Variants in STRN observed in about 807,000 individuals in gnomAD.
The protein encoded by STRN is striatin.
In STRN, 53 loss-of-function variants were observed where a neutral mutation model predicts 96.3. The ratio of observed to expected loss-of-function variants is 0.55; its 90% CI spans 0.44 to 0.69. The LOEUF (loss-of-function observed/expected upper bound fraction) is 0.69, where lower values mean the gene tolerates loss of function less well. Among genes scored for constraint, STRN ranks in the 30% least tolerant of loss-of-function variants. The pLI, the probability that STRN is intolerant of heterozygous loss-of-function variation, is 0.00. For synonymous variants in STRN, 428 were observed against 355.9 expected, an observed-to-expected ratio of 1.20 and a Z score of -2.28; for missense variants, 987 against 963.9, an observed-to-expected ratio of 1.02 and a Z score of -0.32.
At chr2:36,894,105 A>G in intron 6 of STRN, 72 bp from the exon 7 acceptor site, 1 of 1,524,658 alleles carries the variant, frequency 6.6e-7, no homozygotes, top group Non-Finnish European at 8.8e-7. Flanking sequence ...AAATTCAATT[A>G]TTTTCTTCAG....
At chr2:36,936,058 T>C (rs547919777) in intron 1 of STRN, among the ~76,000 whole-genome samples, 17 of 152,224 alleles carry the variant, frequency 1.1e-4, no homozygotes, top group African/African-American at 3.8e-4. Context: ...CAAAAGCAGA[T>C]AGGAAATATC....
At chr2:36,952,161 G>C (rs1252718437) in intron 1 of STRN, among the ~76,000 whole-genome samples, 1 of 152,098 alleles carries the variant, frequency 6.6e-6, no homozygotes, top group African/African-American at 2.4e-5. Flanking sequence ...TCTTACATTG[G>C]GAAAGGACTA....
intron 1 of STRN, 73 bp from the exon 2 acceptor site, chr2:36,925,281 A>G (rs1172300332): frequency 9.9e-7 from 1 of 1,013,912 alleles, no homozygotes; most frequent in Non-Finnish European, 1.5e-6. Context: ...GTAAAGAACC[A>G]TTGGAAGTTT....
chr2:36,915,611 A>G (rs11124552), intron 3 of STRN, among the ~76,000 whole-genome samples: 16,039 of 152,228 alleles, frequency 0.11, 1,910 homozygotes, highest in African/African-American at 0.29. Context: ...GTGGACAAGA[A>G]AGACCAAAAC....
chr2:36,897,625 G>C (rs1216971792), intron 6 of STRN, among the ~76,000 whole-genome samples: 2 of 151,530 alleles, frequency 1.3e-5, no homozygotes, highest in Admixed American at 6.6e-5. Flanking sequence ...TTTTAGTAGA[G>C]ACAGGGTTTC....
chr2:36,883,996 C>A lies in STRN; in HGVS notation c.1122G>T (p.Val374=). Residue 374 remains valine, a synonymous_variant, in exon 9 of 18, where the codon GTG becomes GTT. Coordinates refer to ENST00000263918, the MANE Select transcript of STRN (RefSeq NM_003162.4). ...AGCTGCTGGGTCTGGAAGGTGAACC[C>A]ACAGATGGCTGCAATGAAGGAAGTT... is the stretch of plus-strand genomic sequence containing the variant. ...VDELPSLQPS[V]GSPSRPSSSR... 1 of 1,443,510 alleles carries A rather than the reference C, an allele frequency of 6.9e-7. No homozygotes were observed. Among genetic ancestry groups the A allele is most frequent in the East Asian group, 2.6e-5 (1 of 37,988 alleles). 89.4% of individuals were successfully genotyped at this position (1,443,510 alleles called of 1,614,324 possible).
intron 14 of STRN, among the ~76,000 whole-genome samples, chr2:36,856,785 T>C (rs1028114421): frequency 5.3e-5 from 8 of 152,138 alleles, no homozygotes; most frequent in South Asian, 2.1e-4. Flanking sequence ...CGGGAGGTGA[T>C]TGGATCATGG....
chr2:36,947,296 C>T (rs2148262387), intron 1 of STRN, among the ~76,000 whole-genome samples: 1 of 152,162 alleles, frequency 6.6e-6, no homozygotes, highest in South Asian at 2.1e-4. Context: ...TGAGTTTCAA[C>T]TATCACAATA....
intron 5 of STRN, among the ~76,000 whole-genome samples, chr2:36,900,471 C>A (rs1224925028): frequency 1.3e-5 from 2 of 152,162 alleles, no homozygotes; most frequent in African/African-American, 2.4e-5. Context: ...AAGTTACTAA[C>A]AGCAATACAC....
chr2:36,956,701 AG>A (rs1470066941), intron 1 of STRN, among the ~76,000 whole-genome samples: 1 of 152,236 alleles, frequency 6.6e-6, no homozygotes, highest in Non-Finnish European at 1.5e-5. Context: ...AAGATTTTGG[AG>A]AAAAACTGTA....
At chr2:36,887,413 T>C (rs985816113) in intron 7 of STRN, among the ~76,000 whole-genome samples, 5 of 151,994 alleles carry the variant, frequency 3.3e-5, no homozygotes, top group African/African-American at 1.2e-4. Flanking sequence ...GAGGTTGCAA[T>C]GAGCCGAGAT....
intron 9 of STRN, among the ~76,000 whole-genome samples, chr2:36,881,032 C>A (rs1171271200): frequency 1.3e-5 from 2 of 151,272 alleles, no homozygotes; most frequent in Non-Finnish European, 2.9e-5. Context: ...TTCCATCTGG[C>A]AACTAAACCT....
intron 6 of STRN, 23 bp from the exon 7 acceptor site, chr2:36,894,056 T>C: frequency 1.2e-6 from 2 of 1,601,578 alleles, no homozygotes; most frequent in Non-Finnish European, 1.7e-6. Context: ...CATGCTAAAT[T>C]AAATAAAGGA....
At chr2:36,863,746 G>A (rs1668552933) in intron 12 of STRN, among the ~76,000 whole-genome samples, 1 of 152,138 alleles carries the variant, frequency 6.6e-6, no homozygotes, top group African/African-American at 2.4e-5. Context: ...AATTGCTTTG[G>A]GCAGTACGGC....
intron 1 of STRN, among the ~76,000 whole-genome samples, chr2:36,929,945 A>AAT (rs1181421864): frequency 6.6e-6 from 1 of 152,232 alleles, no homozygotes; most frequent in Non-Finnish European, 1.5e-5. Flanking sequence ...TAAAAGAGGA[A>AAT]ATATATAAGT....
At chr2:36,872,058 T>G (rs1037780483) in intron 10 of STRN, among the ~76,000 whole-genome samples, 2 of 152,190 alleles carry the variant, frequency 1.3e-5, no homozygotes, top group Admixed American at 1.3e-4. Context: ...GCAATCAAAT[T>G]CCTTCTGAAC....
rs776407960 is a variant in STRN at position 36,877,905 on chromosome 2, A to C, written c.1309T>G (p.Ser437Ala). Residue 437 changes from serine to alanine, a missense_variant, in exon 10 of 18, where the codon TCA becomes GCA. Transcript: ENST00000263918. ...CTACTACTTACATCATAAGTTAGTGAGTCTGCTTCATTGGCCACCGTAAGG... is the reference window on the plus strand; with the variant it reads ...CTACTACTTACATCATAAGTTAGTGCGTCTGCTTCATTGGCCACCGTAAGG... ...AGLTVANEAD[S>A]LTYDIANNKD... 6 of 1,614,010 alleles carry C rather than the reference A, an allele frequency of 3.7e-6. No individual in the cohort carries two copies. In the South Asian group the frequency reaches 6.6e-5, roughly 18 times the overall value.
At chr2:36,941,709 C>T (rs1383982025) in intron 1 of STRN, among the ~76,000 whole-genome samples, 3 of 142,222 alleles carry the variant, frequency 2.1e-5, no homozygotes, top group East Asian at 2.0e-4. Context: ...GCCACCCCAC[C>T]CAGCTAATTT....
rs115211070 is a variant in STRN at position 36,874,708 on chromosome 2, G to C, written c.1323+3183C>G. ...AAAAACAAAGACAGTAAAATACTAT[G>C]TTTAGAGTTAAAAAAAAAAAAAAAA... On this transcript the variant is annotated intron_variant, in intron 10 of 17. Transcript: ENST00000263918. Among the ~76,000 whole-genome samples the C allele has an allele frequency of 6.1e-3, 710 of 115,678 alleles. 2 individuals are homozygous for C. Among genetic ancestry groups the C allele is most frequent in the African/African-American group, 0.021 (655 of 30,842 alleles). 75.9% of individuals were successfully genotyped at this position (115,678 alleles called of 152,430 possible).
Sources: allele counts gnomAD v4.1 joint callset (sites outside exome capture counted in the v4.1 genomes callset), GRCh38; gene constraint gnomAD v4.1.1; transcripts MANE v1.5; gene names NCBI Gene and HGNC (gene_info 2026-07-23, HGNC 2026-07-21).